The following TDRD7 variants were observed in gnomAD, a reference collection of about 807,000 sequenced individuals.
TDRD7 encodes the protein tudor domain containing 7.
A neutral mutation model predicts 109.8 loss-of-function variants in TDRD7; 47 were observed. That is an observed-to-expected ratio of 0.43 (90% confidence interval 0.34 to 0.55). TDRD7 has a LOEUF of 0.55. Ranked by LOEUF, TDRD7 falls within the 20% of genes least tolerant of loss-of-function variation. The pLI, the probability that TDRD7 is intolerant of heterozygous loss-of-function variation, is 0.03. For missense variants in TDRD7, 1,164 were observed against 1,319.2 expected, an observed-to-expected ratio of 0.88 and a Z score of 1.82; for synonymous variants, 424 against 457.3, an observed-to-expected ratio of 0.93 and a Z score of 0.93.
chr9:97,439,931 C>T (rs1449889065), intron 5 of TDRD7, among the ~76,000 whole-genome samples: 1 of 152,138 alleles, frequency 6.6e-6, no homozygotes, highest in African/African-American at 2.4e-5. Flanking sequence ...ATCCCCTGCT[C>T]ATAGACCCAC....
chr9:97,441,567 T>C lies in TDRD7; in HGVS notation c.638-91T>C, dbSNP rs1828305362. ...CTTTGGCTACCACAAGCCCACACTA[T>C]AGCAAAACCTGAAGATGCAAATATT... On this transcript the variant is annotated intron_variant, in intron 5 of 16. Transcript: ENST00000355295. 9.0e-6 allele frequency: 11 copies of C among 1,216,558 alleles called. 1 individual carries two copies. In the Admixed American group the frequency reaches 1.8e-4, roughly 20 times the overall value. The allele number at this position is 1,216,558 out of a possible 1,614,324, so 75.4% of individuals were successfully genotyped here. A position where few individuals can be genotyped will look rare whatever the true frequency, so the allele number is the denominator to read the frequency against.
intron 8 of TDRD7, among the ~76,000 whole-genome samples, chr9:97,468,856 C>T (rs903569649): frequency 6.6e-6 from 1 of 152,110 alleles, no homozygotes; most frequent in Non-Finnish European, 1.5e-5. Context: ...GATCCCAGGA[C>T]ATTAGAGAGA....
chr9:97,459,987 T>A (rs1307329773), intron 6 of TDRD7, among the ~76,000 whole-genome samples, 191 bp from the exon 7 acceptor site: 1 of 152,234 alleles, frequency 6.6e-6, no homozygotes, highest in Admixed American at 6.5e-5. Context: ...TTCCTTTTTA[T>A]TTCTGAAATG....
Position 97,495,755 on chromosome 9 carries a change from A to G in TDRD7, c.3169A>G (p.Ile1057Val). 6.2e-7 allele frequency: 1 copy of G among 1,614,226 alleles called. No individual in the cohort carries two copies. Among genetic ancestry groups the G allele is most frequent in the South Asian group, 1.1e-5 (1 of 91,088 alleles). The change falls in exon 17 of 17, where the codon ATT (isoleucine) becomes GTT (valine). Residue 1057 changes from isoleucine to valine, a missense_variant. By Grantham distance (29) the Ile-to-Val change is conservative. This residue lies in a region of TDRD7 where 162 missense variants were observed against 222.5 expected (regional missense o/e 0.73). Coordinates refer to ENST00000355295, the MANE Select transcript of TDRD7 (RefSeq NM_014290.3). ...KPLVALVQTV[I>V]ENANPWDRKV... ...TCTGGTGGCACTGGTGCAGACAGTC[A>G]TTGAAAATGCTAACCCTTGGGACCG...
intron 16 of TDRD7, among the ~76,000 whole-genome samples, chr9:97,492,511 C>T (rs1829324560): frequency 6.6e-6 from 1 of 152,070 alleles, no homozygotes. Context: ...CTAAACCTAC[C>T]CCATGATTAT....
At chr9:97,491,460 T>C (rs758930558) in intron 16 of TDRD7, among the ~76,000 whole-genome samples, 8 of 152,244 alleles carry the variant, frequency 5.3e-5, no homozygotes, top group Non-Finnish European at 1.0e-4. Context: ...CTTGTAGTTC[T>C]TTGTTGAAAG....
intron 8 of TDRD7, among the ~76,000 whole-genome samples, chr9:97,468,757 T>C (rs1828863071): frequency 1.3e-5 from 2 of 152,076 alleles, no homozygotes; most frequent in African/African-American, 4.8e-5. Flanking sequence ...GGGTGATAGG[T>C]AGTGCTGGGA....
chr9:97,493,368 GC>G (rs1424145104), intron 16 of TDRD7, among the ~76,000 whole-genome samples: 1 of 152,118 alleles, frequency 6.6e-6, no homozygotes, highest in Admixed American at 6.6e-5. Flanking sequence ...GTTCCGTGAT[GC>G]CCCCTAAGCC....
chr9:97,485,004 G>C (rs1829188534), intron 15 of TDRD7, among the ~76,000 whole-genome samples: 2 of 152,140 alleles, frequency 1.3e-5, no homozygotes, highest in Admixed American at 1.3e-4. Flanking sequence ...ATTTGTCCCA[G>C]ATAATCAAGG....
intron 6 of TDRD7, among the ~76,000 whole-genome samples, chr9:97,452,032 G>A (rs1229436512): frequency 1.3e-5 from 2 of 152,178 alleles, no homozygotes; most frequent in Non-Finnish European, 2.9e-5. Flanking sequence ...GGAGTTTCAT[G>A]AATTGTTGCC....
intron 12 of TDRD7, among the ~76,000 whole-genome samples, 157 bp downstream of exon 12, chr9:97,475,626 G>A (rs1249952271): frequency 1.3e-5 from 2 of 152,116 alleles, no homozygotes; most frequent in Non-Finnish European, 1.5e-5. Context: ...CCTGGTTGAA[G>A]TTATGGTCGA....
At chr9:97,465,051 T>A in intron 8 of TDRD7, 23 bp downstream of exon 8, 1 of 1,608,600 alleles carries the variant, frequency 6.2e-7, no homozygotes, top group East Asian at 2.2e-5. Flanking sequence ...TACTTTGTCA[T>A]AGCATTATGG....
chr9:97,483,042 T>C lies in TDRD7; in HGVS notation c.2606T>C (p.Met869Thr), dbSNP rs1829145231. ...SPNSKNGNMP[M>T]SGNTGENFRK... ...AACAGCAAAAATGGCAACATGCCCATGTCGGGCAACACTGGAGAGAATTTC... is the reference window on the plus strand; with the variant it reads ...AACAGCAAAAATGGCAACATGCCCACGTCGGGCAACACTGGAGAGAATTTC... The change falls in exon 15 of 17, where the codon ATG becomes ACG. Residue 869 changes from methionine to threonine, a missense_variant. By Grantham distance (81) the Met-to-Thr change is moderately conservative. This residue lies in a region of TDRD7 where 233 missense variants were observed against 218.0 expected (regional missense o/e 1.07). Transcript: ENST00000355295. 1.9e-6 allele frequency: 3 copies of C among 1,614,162 alleles called. No individual in the cohort carries two copies. Among genetic ancestry groups the C allele is most frequent in the African/African-American group, 1.3e-5 (1 of 75,060 alleles).
intron 6 of TDRD7, among the ~76,000 whole-genome samples, chr9:97,446,190 C>G (rs959370213): frequency 2.6e-5 from 4 of 152,066 alleles, no homozygotes; most frequent in Non-Finnish European, 2.9e-5. Flanking sequence ...AATTTCTACT[C>G]TCTGAAACGG....
intron 2 of TDRD7, 32 bp from the exon 3 acceptor site, chr9:97,430,901 G>A (rs951020944): frequency 1.2e-6 from 2 of 1,613,234 alleles, no homozygotes; most frequent in African/African-American, 1.3e-5. Context: ...TCTGAGAAAT[G>A]TTTCTCCTCT....
rs1449471777 is a variant in TDRD7 at position 97,482,885 on chromosome 9, G to C, written c.2449G>C (p.Val817Leu). 1 of 1,614,162 alleles carries C rather than the reference G, an allele frequency of 6.2e-7. No individual in the cohort carries two copies. The change falls in exon 15 of 17, where the codon GTT (valine) becomes CTT (leucine). Residue 817 changes from valine to leucine, a missense_variant. This residue lies in a region of TDRD7 where 233 missense variants were observed against 218.0 expected (regional missense o/e 1.07). Coordinates refer to ENST00000355295, the MANE Select transcript of TDRD7 (RefSeq NM_014290.3). ...KVDETRGIAHVYLFTPKNFPD... is the reference protein window; with the variant it reads ...KVDETRGIAHLYLFTPKNFPD... ...GGATGAAACCAGAGGGATCGCACAT[G>C]TTTATTTATTTACCCCTAAGAACTT...
chr9:97,414,301 T>C lies in TDRD7; in HGVS notation c.-7+2063T>C, dbSNP rs569306319. Among the ~76,000 whole-genome samples, 4 of 152,376 alleles carry C rather than the reference T, an allele frequency of 2.6e-5. No individual in the cohort carries two copies. In the East Asian group the frequency reaches 7.7e-4, roughly 29 times the overall value. On this transcript the variant is annotated intron_variant, in intron 1 of 16. Transcript: ENST00000355295. ...ATTTTTAGTTGAAGACATGTATATATGCCAATCAGAACTTGATCAGTGCAA... is the reference window on the plus strand; with the variant it reads ...ATTTTTAGTTGAAGACATGTATATACGCCAATCAGAACTTGATCAGTGCAA...
rs756695913 is a variant in TDRD7 at position 97,495,890 on chromosome 9, C to T, written c.*7C>T. 2.7e-5 allele frequency: 44 copies of T among 1,608,394 alleles called. No homozygotes were observed. Among genetic ancestry groups the T allele is most frequent in the Non-Finnish European group, 3.7e-5 (43 of 1,175,226 alleles). ...GCTTTCAAAAGTTAATTAATGACTG[C>T]CTCTGAAACCTTGACAACTAATTCA... On this transcript the variant is annotated 3_prime_UTR_variant, in exon 17 of 17. Coordinates refer to ENST00000355295, the MANE Select transcript of TDRD7 (RefSeq NM_014290.3).
Position 97,478,565 on chromosome 9 carries a change from C to G in TDRD7, c.2293C>G (p.Pro765Ala). 1.2e-6 allele frequency: 2 copies of G among 1,613,848 alleles called. No individual in the cohort carries two copies. Among genetic ancestry groups the G allele is most frequent in the Non-Finnish European group, 1.7e-6 (2 of 1,179,872 alleles). The change falls in exon 13 of 17, where the codon CCA becomes GCA. Residue 765 changes from proline to alanine, a missense_variant. By Grantham distance (27) the Pro-to-Ala change is conservative. Around this residue, in one of 5 missense-constraint regions of TDRD7, gnomAD observed 233 missense variants for 218.0 expected, o/e 1.07. Coordinates refer to ENST00000355295, the MANE Select transcript of TDRD7 (RefSeq NM_014290.3). ...GTTTCTACAAGAAATGATTGCAATA[C>G]CACCTCAGGTACTATGTTACCAGCC... ...PRFLQEMIAI[P>A]PQAIKCCLAD...
Sources: allele counts gnomAD v4.1 joint callset (sites outside exome capture counted in the v4.1 genomes callset), GRCh38; gene constraint gnomAD v4.1.1; regional missense constraint gnomAD v4.1.1; transcripts MANE v1.5; gene names NCBI Gene and HGNC (gene_info 2026-07-23, HGNC 2026-07-21).